Variants in URB1 observed in about 807,000 individuals in gnomAD.
URB1 encodes the protein URB1 ribosome biogenesis factor.
Under a neutral mutation model 242.3 loss-of-function variants are expected in URB1, and 197 were observed. The observed-to-expected ratio is 0.81, with a 90% confidence interval of 0.72 to 0.91. URB1 has a LOEUF of 0.91. Among genes scored for constraint, URB1 ranks in the 40% least tolerant of loss-of-function variants. URB1 has a pLI of 0.00. For synonymous variants in URB1, 1,153 were observed against 1,201.8 expected (o/e 0.96, Z 0.84); for missense variants, 2,721 against 2,860.5 (o/e 0.95, Z 1.11).
chr21:32,364,595 C>A (rs1326760465), intron 10 of URB1, among the ~76,000 whole-genome samples: 1 of 152,328 alleles, frequency 6.6e-6, no homozygotes, highest in East Asian at 1.9e-4. Context: ...GCCAGCCCCA[C>A]AATCGCTTCA....
intron 18 of URB1, 93 bp from the exon 19 acceptor site, chr21:32,352,999 C>A: frequency 2.2e-6 from 3 of 1,364,046 alleles, no homozygotes; most frequent in South Asian, 1.5e-5. Context: ...ACAGGCAAGA[C>A]CCTGAAAAAT....
chr21:32,389,012 C>T (rs537098317), intron 1 of URB1, among the ~76,000 whole-genome samples: 1 of 152,138 alleles, frequency 6.6e-6, no homozygotes, highest in East Asian at 1.9e-4. Flanking sequence ...TAAGCACCTA[C>T]CGCAATCACT....
intron 11 of URB1, 121 bp from the exon 12 acceptor site, chr21:32,362,142 G>C (rs1331597086): frequency 3.2e-6 from 4 of 1,261,228 alleles, no homozygotes; most frequent in Non-Finnish European, 4.3e-6. Flanking sequence ...AGGAGTGCGT[G>C]TAAGAAGGAG....
Position 32,358,650 on chromosome 21 carries a change from C to T in URB1, c.1870-994G>A, listed in dbSNP as rs200514722. Among the ~76,000 whole-genome samples, 3 of 152,318 alleles carry T rather than the reference C, an allele frequency of 2.0e-5. No individual in the cohort carries two copies. In the East Asian group the frequency reaches 5.8e-4, roughly 29 times the overall value. ...AGGTGGGGCGCAGGATATAAATTCA[C>T]ACCAGCTCTTTCAAATTATGAGGCC... On this transcript the variant is annotated intron_variant, in intron 14 of 38. Coordinates refer to ENST00000382751, the MANE Select transcript of URB1 (RefSeq NM_014825.3).
rs1285928550 is a variant in URB1 at position 32,317,830 on chromosome 21, A to G, written c.5880T>C (p.Phe1960=). The change falls in exon 37 of 39, where the codon TTT becomes TTC. Residue 1960 remains phenylalanine, a synonymous_variant. Transcript: ENST00000382751. ...TTACGGTGAATCTGTTCATGTCCCT[A>G]AAGGCCTGTATGACAGTGGCCCGGT... ...LRYRATVIQA[F]RDMNRFTVNE... The G allele has an allele frequency of 2.6e-5, 41 of 1,551,804 alleles. 1 individual carries two copies. In the East Asian group the frequency reaches 9.5e-4, roughly 36 times the overall value.
At chr21:32,336,121 A>G (rs909299091) in intron 28 of URB1, among the ~76,000 whole-genome samples, 13 of 152,228 alleles carry the variant, frequency 8.5e-5, no homozygotes, top group Non-Finnish European at 1.3e-4. Flanking sequence ...TCCGACGTCA[A>G]AAGAGCGAGG....
intron 11 of URB1, 32 bp downstream of exon 11, chr21:32,363,124 G>T (rs749997577): frequency 1.3e-6 from 2 of 1,541,026 alleles, no homozygotes. Flanking sequence ...GTGAGGTCTG[G>T]AAGGAAAGCC....
chr21:32,348,353 A>G (rs2033118241), intron 21 of URB1, among the ~76,000 whole-genome samples: 2 of 152,226 alleles, frequency 1.3e-5, no homozygotes, highest in South Asian at 4.2e-4. Flanking sequence ...TTGGGATTAA[A>G]CCACCGTGTG....
At position 32,352,827 on chromosome 21, in the gene URB1, G is replaced by A. The variant is rs897173016; in HGVS notation, c.2496C>T (p.Leu832=). The A allele has an allele frequency of 3.9e-6, 6 of 1,551,588 alleles. No homozygotes were observed. The highest frequency in any genetic ancestry group is 2.4e-5 in the South Asian group (2 of 84,062). The part of the protein sequence containing the change: ...HTQRDPLALC[L]LLQAYDKLEP... The stretch of plus-strand genomic sequence containing the variant: ...CAAGCTTATCATATGCCTGGAGCAG[G>A]AGACACAGAGCCAGGGGGTCCCTCT... The change falls in exon 19 of 39, where the codon CTC becomes CTT. Residue 832 remains leucine (L), a synonymous_variant. Coordinates refer to ENST00000382751, the MANE Select transcript of URB1 (RefSeq NM_014825.3).
At chr21:32,322,680 T>A in intron 32 of URB1, 96 bp from the exon 33 acceptor site, 2 of 866,148 alleles carry the variant, frequency 2.3e-6, no homozygotes, top group Non-Finnish European at 3.7e-6. Flanking sequence ...GTATCAGACA[T>A]AAATCCCCTC....
At chr21:32,334,737 G>C (rs761362962) in intron 28 of URB1, among the ~76,000 whole-genome samples, 2 of 152,186 alleles carry the variant, frequency 1.3e-5, no homozygotes, top group Non-Finnish European at 2.9e-5. Flanking sequence ...GTATGTTGCA[G>C]GGCTGGGATT....
intron 30 of URB1, among the ~76,000 whole-genome samples, chr21:32,328,910 T>A (rs772885755): frequency 1.3e-5 from 2 of 152,176 alleles, no homozygotes; most frequent in Non-Finnish European, 2.9e-5. Context: ...AACGTGGCCT[T>A]AACAGACCTT....
chr21:32,363,410 C>T (rs1046653413), intron 10 of URB1, 81 bp from the exon 11 acceptor site: 15 of 1,471,562 alleles, frequency 1.0e-5, no homozygotes, highest in Admixed American at 4.1e-5. Context: ...TGGCATTTGC[C>T]CCTCCTCAGG....
Position 32,312,361 on chromosome 21 carries a change from AC to A in URB1, c.*2556del. 1.7e-6 allele frequency: 2 copies of A among 1,167,976 alleles called. No individual in the cohort carries two copies. Among genetic ancestry groups the A allele is most frequent in the East Asian group, 1.1e-4 (2 of 17,756 alleles). 72.4% of individuals were successfully genotyped at this position (1,167,976 alleles called of 1,614,324 possible). A position where few individuals can be genotyped will look rare whatever the true frequency, so the allele number is the denominator to read the frequency against. On this transcript the variant is annotated 3_prime_UTR_variant, in exon 39 of 39. Transcript: ENST00000382751. ...GTAATGCGTTATCAGCCCTGAGTTCACCTGGTCCTTCTGTACCTTTGTTAGG... is the reference window on the plus strand; with the variant it reads ...GTAATGCGTTATCAGCCCTGAGTTCACTGGTCCTTCTGTACCTTTGTTAGG...
chr21:32,385,002 AAAAGAAAAG>A (rs1007957468), intron 2 of URB1, among the ~76,000 whole-genome samples: 4 of 130,282 alleles, frequency 3.1e-5, no homozygotes, highest in African/African-American at 1.4e-4. Context: ...AAAAGAAAAG[AAAAGAAAAG>A]AAAGAAAGAA....
intron 6 of URB1, among the ~76,000 whole-genome samples, chr21:32,374,985 T>A (rs1419001029): frequency 6.6e-6 from 1 of 152,246 alleles, no homozygotes; most frequent in African/African-American, 2.4e-5. Context: ...GCAGTGATCT[T>A]TTTAGCAAGT....
intron 1 of URB1, among the ~76,000 whole-genome samples, chr21:32,390,546 C>A (rs1249117379): frequency 6.6e-6 from 1 of 151,780 alleles, no homozygotes; most frequent in Non-Finnish European, 1.5e-5. Flanking sequence ...GAGTAGATTG[C>A]AAAAATTTTC....
intron 25 of URB1, among the ~76,000 whole-genome samples, chr21:32,340,711 T>C (rs919571614): frequency 3.3e-5 from 5 of 151,638 alleles, no homozygotes; most frequent in African/African-American, 1.2e-4. Flanking sequence ...AAGTCCCCAA[T>C]CCACCCCAAG....
Position 32,311,997 on chromosome 21 carries a change from T to C in URB1, c.*2921A>G, listed in dbSNP as rs1179975734. 6.2e-7 allele frequency: 1 copy of C among 1,613,130 alleles called. No homozygotes were observed. The highest frequency in any genetic ancestry group is 8.5e-7 in the Non-Finnish European group (1 of 1,180,026). On this transcript the variant is annotated 3_prime_UTR_variant, in exon 39 of 39. Coordinates refer to ENST00000382751, the MANE Select transcript of URB1 (RefSeq NM_014825.3). ...CAGGACCTCTCAATTGCAGAGCTGA[T>C]GTCAGTAAATCGTGGCCATAGCTGA...
Sources: allele counts gnomAD v4.1 joint callset (sites outside exome capture counted in the v4.1 genomes callset), GRCh38; gene constraint gnomAD v4.1.1; transcripts MANE v1.5; gene names NCBI Gene and HGNC (gene_info 2026-07-23, HGNC 2026-07-21).